Variants in LMO7 observed in about 807,000 individuals in gnomAD.
The protein encoded by LMO7 is LIM domain 7, also known as LIM domain only protein 7.
Under a neutral mutation model 206.5 loss-of-function variants are expected in LMO7, and 120 were observed. The observed-to-expected ratio is 0.58, with a 90% CI of 0.50 to 0.68. The LOEUF (loss-of-function observed/expected upper bound fraction) is 0.68, where lower values mean the gene tolerates loss of function less well. Among genes scored for constraint, LMO7 ranks in the 30% least tolerant of loss-of-function variants. The probability of loss-of-function intolerance (pLI) is 0.00; values close to 1 mark genes in which losing one functional copy is unlikely to be tolerated. For missense variants in LMO7, 1,959 were observed against 1,957.9 expected (o/e 1.00, Z -0.01); for synonymous variants, 706 against 681.5 (o/e 1.04, Z -0.56).
intron 2 of LMO7, among the ~76,000 whole-genome samples, chr13:75,626,446 G>A (rs531316292): frequency 6.4e-4 from 97 of 150,756 alleles, no homozygotes; most frequent in African/African-American, 2.2e-3. Flanking sequence ...GGGAAAAACC[G>A]GCCCACATGA....
Position 75,801,721 on chromosome 13 carries a change from A to C in LMO7, c.661+839A>C, listed in dbSNP as rs150757275. Among the ~76,000 whole-genome samples the C allele has an allele frequency of 2.6e-3, 402 of 152,268 alleles. 3 individuals are homozygous for C. Among genetic ancestry groups the C allele is most frequent in the African/African-American group, 9.3e-3 (386 of 41,538 alleles). The stretch of plus-strand genomic sequence containing the variant: ...ATATTTCTGTGCTTCTATCGACATC[A>C]ATGTGAAAACATTGAGTTCTGGCTG... On this transcript the variant is annotated intron_variant, in intron 7 of 30. Coordinates refer to ENST00000377534, the MANE Select transcript of LMO7 (RefSeq NM_001306080.2).
intron 4 of LMO7, among the ~76,000 whole-genome samples, chr13:75,787,774 G>C (rs191323034): frequency 1.8e-4 from 27 of 152,318 alleles, no homozygotes; most frequent in Non-Finnish European, 2.9e-4. Context: ...TTGTCAAATG[G>C]AATGCAGCTT....
intron 1 of LMO7, among the ~76,000 whole-genome samples, chr13:75,711,317 A>T (rs1343942949): frequency 6.6e-6 from 1 of 152,200 alleles, no homozygotes; most frequent in Non-Finnish European, 1.5e-5. Context: ...GCCTCATAAA[A>T]TGAGTTAGGG....
intron 1 of LMO7, among the ~76,000 whole-genome samples, chr13:75,645,485 C>T (rs1240173650): frequency 6.6e-6 from 1 of 151,922 alleles, no homozygotes; most frequent in Admixed American, 6.6e-5. Context: ...TGCACTCTAG[C>T]CTGTATGACA....
chr13:75,727,355 A>T (rs1458435355), intron 3 of LMO7, among the ~76,000 whole-genome samples: 1 of 151,932 alleles, frequency 6.6e-6, no homozygotes, highest in African/African-American at 2.4e-5. Flanking sequence ...CACAAATGAT[A>T]TAGATGACAT....
At chr13:75,784,259 C>A (rs569525462) in intron 4 of LMO7, among the ~76,000 whole-genome samples, 40 of 152,190 alleles carry the variant, frequency 2.6e-4, no homozygotes, top group African/African-American at 8.9e-4. Flanking sequence ...TCTCGATTAA[C>A]CTTTGGCATA....
At chr13:75,811,500 C>T (rs1480673017) in intron 11 of LMO7, among the ~76,000 whole-genome samples, 1 of 152,166 alleles carries the variant, frequency 6.6e-6, no homozygotes, top group Non-Finnish European at 1.5e-5. Context: ...GGCATACTTA[C>T]CTGGAAAAGC....
chr13:75,629,803 A>G (rs1252470503), intron 2 of LMO7, among the ~76,000 whole-genome samples: 1 of 152,206 alleles, frequency 6.6e-6, no homozygotes, highest in Non-Finnish European at 1.5e-5. Context: ...GGTAGTAGAA[A>G]TAAAATTGAC....
chr13:75,833,672 G>T (rs1205101495), intron 16 of LMO7, among the ~76,000 whole-genome samples: 2 of 151,936 alleles, frequency 1.3e-5, no homozygotes, highest in East Asian at 1.9e-4. Context: ...AACATTACAA[G>T]GCCTAAAATT....
rs182855308 is a variant in LMO7, at chr13:75,823,650, C to T, written c.2726C>T (p.Pro909Leu). 60 of 1,614,102 alleles carry T rather than the reference C, an allele frequency of 3.7e-5. No individual in the cohort carries two copies. The highest frequency in any genetic ancestry group is 1.8e-4 in the Admixed American group (11 of 60,020). ...NNVVSTPAPS[P>L]DASQLASSLS... ...GTGGTCAGCACCCCTGCACCAAGCC[C>T]GGACGCAAGCCAACTGGCTTCAAGC... The change falls in exon 15 of 31, where the codon CCG becomes CTG. Residue 909 changes from proline (P) to leucine (L), a missense_variant. Physicochemically the swap from Pro to Leu is moderately conservative, Grantham distance 98. Coordinates refer to ENST00000377534, the MANE Select transcript of LMO7 (RefSeq NM_001306080.2).
chr13:75,697,359 C>T (rs142632568), intron 1 of LMO7, among the ~76,000 whole-genome samples: 1 of 152,108 alleles, frequency 6.6e-6, no homozygotes, highest in Non-Finnish European at 1.5e-5. Flanking sequence ...GGAGGCCTCA[C>T]AATCATGGTG....
Position 75,847,012 on chromosome 13 carries a change from C to T in LMO7, c.4150+1633C>T, listed in dbSNP as rs530373606. Among the ~76,000 whole-genome samples the T allele has an allele frequency of 2.1e-3, 284 of 135,906 alleles. 1 individual carries two copies. The highest frequency in any genetic ancestry group is 7.4e-3 in the African/African-American group (260 of 35,364). 89.2% of individuals were successfully genotyped at this position (135,906 alleles called of 152,430 possible). A position where few individuals can be genotyped will look rare whatever the true frequency, so the allele number is the denominator to read the frequency against. ...CTCCACTGCACTCCAGCCTGGGTGA[C>T]GGAGCAGACTCTGTCTCAAAAAAAA... is the stretch of plus-strand genomic sequence containing the variant. On this transcript the variant is annotated intron_variant, in intron 26 of 30. Transcript: ENST00000377534.
At chr13:75,756,474 A>C (rs1246627594) in intron 3 of LMO7, among the ~76,000 whole-genome samples, 3 of 152,248 alleles carry the variant, frequency 2.0e-5, no homozygotes, top group Non-Finnish European at 4.4e-5. Context: ...AAAAGCAAAG[A>C]TGACTTTTAG....
At chr13:75,758,622 C>T (rs2047884525) in intron 3 of LMO7, among the ~76,000 whole-genome samples, 1 of 152,094 alleles carries the variant, frequency 6.6e-6, no homozygotes, top group Admixed American at 6.5e-5. Context: ...TAAGTATAGT[C>T]ACTTTAGATG....
chr13:75,690,503 GAATA>G (rs1283572276), intron 1 of LMO7, among the ~76,000 whole-genome samples: 1 of 152,096 alleles, frequency 6.6e-6, no homozygotes, highest in African/African-American at 2.4e-5. Context: ...CAATGTATTT[GAATA>G]AATAAAGTAC....
intron 17 of LMO7, 80 bp downstream of exon 17, chr13:75,834,467 A>G (rs1595406642): frequency 1.9e-6 from 2 of 1,064,426 alleles, no homozygotes; most frequent in Admixed American, 5.6e-5. Flanking sequence ...ATTTGCTTCA[A>G]TAACTTTTTA....
intron 25 of LMO7, among the ~76,000 whole-genome samples, chr13:75,844,975 A>G (rs1051477109): frequency 9.2e-5 from 14 of 152,170 alleles, no homozygotes; most frequent in African/African-American, 3.4e-4. Flanking sequence ...ACTGTAGGTG[A>G]TCTGATGGCA....
chr13:75,806,133 A>G (rs1260304918), intron 9 of LMO7: 3 of 1,026,456 alleles, frequency 2.9e-6, no homozygotes, highest in African/African-American at 3.4e-5. Flanking sequence ...GAGCACAAAA[A>G]GCAGAGCATA....
rs750920790 is a variant in LMO7 at position 75,718,980 on chromosome 13, CT to C, written c.140+5744del. Among the ~76,000 whole-genome samples the C allele has an allele frequency of 6.8e-3, 951 of 140,346 alleles. 3 individuals are homozygous for C. Among genetic ancestry groups the C allele is most frequent in the African/African-American group, 0.018 (699 of 38,510 alleles). The allele number at this position is 140,346 out of a possible 152,430, so 92.1% of individuals were successfully genotyped here. A position where few individuals can be genotyped will look rare whatever the true frequency, so the allele number is the denominator to read the frequency against. On this transcript the variant is annotated intron_variant, in intron 2 of 30. Coordinates refer to ENST00000377534, the MANE Select transcript of LMO7 (RefSeq NM_001306080.2). ...ATGGTTTGATAGCTCATGTCTCTCTCTTTTTTTTTTTTTTTTGAGATGGAGT... is the reference window on the plus strand; with the variant it reads ...ATGGTTTGATAGCTCATGTCTCTCTCTTTTTTTTTTTTTTTGAGATGGAGT...
Sources: gnomAD v4.1 joint callset for allele counts (sites outside exome capture counted in the v4.1 genomes callset) on GRCh38, gnomAD v4.1.1 for gene constraint, MANE v1.5 for transcripts, NCBI Gene and HGNC (gene_info 2026-07-23, HGNC 2026-07-21) for gene names.